The following SNX25 variants were observed in gnomAD, a reference collection of about 807,000 sequenced individuals.
The protein encoded by SNX25 is sorting nexin-25.
In SNX25, 62 loss-of-function variants were observed where a neutral mutation model predicts 113.7. That is an observed-to-expected ratio of 0.55 (90% CI 0.44 to 0.67). The LOEUF is 0.67. SNX25 is among the 30% of genes least tolerant of loss of function. The pLI is 0.00. For missense variants in SNX25, 1,014 were observed against 1,161.0 expected (o/e 0.87, Z 1.84); for synonymous variants, 421 against 436.2 (o/e 0.97, Z 0.43).
chr4:185,204,483 A>G (rs1419404547), intron 1 of SNX25: 1 of 152,260 alleles, frequency 6.6e-6, no homozygotes, highest in East Asian at 1.9e-4. Flanking sequence ...TAGTTAAAAC[A>G]ATCTAAGGTA....
intron 5 of SNX25, among the ~76,000 whole-genome samples, chr4:185,281,540 C>G (rs913131419): frequency 2.0e-5 from 3 of 152,134 alleles, no homozygotes; most frequent in Non-Finnish European, 4.4e-5. Context: ...AGCTCACATT[C>G]TTTACTACTC....
intron 1 of SNX25, among the ~76,000 whole-genome samples, chr4:185,220,733 G>T (rs936209654): frequency 6.6e-6 from 1 of 152,050 alleles, no homozygotes; most frequent in Non-Finnish European, 1.5e-5. Flanking sequence ...GCCCACCTCG[G>T]CCTCCCAAAG....
chr4:185,212,489 G>GTGTGTGTGTGTT (rs1560889937), intron 1 of SNX25, among the ~76,000 whole-genome samples: 1 of 43,358 alleles, frequency 2.3e-5, no homozygotes, highest in African/African-American at 8.4e-5. Context: ...GTGTGTGTGT[G>GTGTGTGTGTGTT]TGTTTTTTTT....
At chr4:185,371,928 C>G (rs2095417481), downstream of SNX25, among the ~76,000 whole-genome samples, 1 of 152,136 alleles carries the variant, frequency 6.6e-6, no homozygotes, top group Non-Finnish European at 1.5e-5. Flanking sequence ...TTGGGAAACA[C>G]CAGCACACGC....
At chr4:185,285,373 T>C (rs1455754067) in intron 5 of SNX25, among the ~76,000 whole-genome samples, 1 of 152,252 alleles carries the variant, frequency 6.6e-6, no homozygotes, top group Non-Finnish European at 1.5e-5. Context: ...AATGTTTGTT[T>C]AATGAAAGCA....
At chr4:185,256,625 T>TC (rs1746467726) in intron 2 of SNX25, among the ~76,000 whole-genome samples, 1 of 57,966 alleles carries the variant, frequency 1.7e-5, no homozygotes, top group Admixed American at 2.4e-4. Flanking sequence ...CCTAAATTTC[T>TC]TTTTTTTTTT....
intron 1 of SNX25, among the ~76,000 whole-genome samples, chr4:185,215,055 C>G (rs2111486669): frequency 6.6e-6 from 1 of 152,184 alleles, no homozygotes; most frequent in African/African-American, 2.4e-5. Flanking sequence ...ACAGTGAAAC[C>G]CCGTCTCTAC....
At chr4:185,369,742 TC>T in intron 11 of SNX25, 1 of 441,012 alleles carries the variant, frequency 2.3e-6, no homozygotes, top group Non-Finnish European at 4.5e-6. Context: ...GACATTGGAA[TC>T]CCACAGGGAA....
intron 6 of SNX25, among the ~76,000 whole-genome samples, chr4:185,297,964 T>C (rs906861038): frequency 2.6e-5 from 4 of 152,140 alleles, no homozygotes; most frequent in Non-Finnish European, 5.9e-5. Flanking sequence ...GTTGATTCCT[T>C]CTCCCTTGTA....
intron 5 of SNX25, among the ~76,000 whole-genome samples, chr4:185,280,544 G>A (rs1750419559): frequency 6.6e-6 from 1 of 152,148 alleles, no homozygotes. Context: ...ATGAACATAT[G>A]CTACTTTAGA....
Position 185,323,649 on chromosome 4 carries a change from T to C in SNX25, c.1598T>C (p.Ile533Thr), listed in dbSNP as rs987756318. The C allele has an allele frequency of 1.2e-6, 2 of 1,613,800 alleles. No homozygotes were observed. The highest frequency in any genetic ancestry group is 1.7e-4 in the Middle Eastern group (1 of 6,058). The change falls in exon 9 of 19, where the codon ATT becomes ACT. Residue 533 changes from isoleucine (I) to threonine (T), a missense_variant. Coordinates refer to ENST00000652585, the MANE Select transcript of SNX25 (RefSeq NM_001378034.2). ...CAGTGTCTTGTAGGAAATAAAGGTA[T>C]TGAAGTATTCTACAAAATCCAGGAA... is the stretch of plus-strand genomic sequence containing the variant. The part of the protein sequence containing the change: ...IQQCLVGNKG[I>T]EVFYKIQEDV...
At position 185,266,657 on chromosome 4, in the gene SNX25, C is replaced by T. The variant is rs139690337; in HGVS notation, c.905-312C>T. 6.7e-3 allele frequency among the ~76,000 whole-genome samples: 1,014 copies of T among 152,120 alleles called. 3 individuals are homozygous for T. Among genetic ancestry groups the T allele is most frequent in the Middle Eastern group, 0.02 (6 of 294 alleles). On this transcript the variant is annotated intron_variant, in intron 4 of 18. Coordinates refer to ENST00000652585, the MANE Select transcript of SNX25 (RefSeq NM_001378034.2). ...GATTACAGGTGTGAGCCACCACGCC[C>T]GGCCTTAATTTTGATAGATTTGTTA...
intron 9 of SNX25, among the ~76,000 whole-genome samples, chr4:185,329,921 C>G (rs756142650): frequency 6.6e-6 from 1 of 152,066 alleles, no homozygotes; most frequent in Non-Finnish European, 1.5e-5. Flanking sequence ...CAGAGACTCT[C>G]AGGATCTAGT....
the SNX25 span, chr4:185,378,228 T>A: frequency 6.9e-6 from 11 of 1,602,940 alleles, no homozygotes; most frequent in African/African-American, 1.4e-4. Flanking sequence ...GAAGAAAAAA[T>A]AAGTGGTAGA....
At chr4:185,353,224 A>T in intron 14 of SNX25, 1 of 294,792 alleles carries the variant, frequency 3.4e-6, no homozygotes, top group Non-Finnish European at 6.2e-6. Context: ...AAACTATTTT[A>T]TTGTCTATTA....
chr4:185,233,995 C>T (rs1742243426), intron 1 of SNX25, among the ~76,000 whole-genome samples: 1 of 152,092 alleles, frequency 6.6e-6, no homozygotes, highest in African/African-American at 2.4e-5. Flanking sequence ...GTAGCTGGGA[C>T]TACAGGCACC....
chr4:185,289,120 C>T (rs549495995), intron 6 of SNX25, among the ~76,000 whole-genome samples: 4 of 152,300 alleles, frequency 2.6e-5, no homozygotes, highest in Admixed American at 2.6e-4. Flanking sequence ...GGCACTGATT[C>T]CTCAGCTCAG....
chr4:185,307,838 T>A (rs1404760872), intron 6 of SNX25, among the ~76,000 whole-genome samples: 1 of 152,170 alleles, frequency 6.6e-6, no homozygotes, highest in African/African-American at 2.4e-5. Context: ...CACTGCAACC[T>A]CAAATTCCTG....
intron 6 of SNX25, among the ~76,000 whole-genome samples, chr4:185,298,903 T>C (rs566418500): frequency 3.3e-5 from 5 of 152,346 alleles, no homozygotes; most frequent in African/African-American, 1.2e-4. Flanking sequence ...GAGAATGTAC[T>C]CTGGAGGAAA....
Sources: gnomAD v4.1 joint callset for allele counts (sites outside exome capture counted in the v4.1 genomes callset) on GRCh38, gnomAD v4.1.1 for gene constraint, MANE v1.5 for transcripts, NCBI Gene and HGNC (gene_info 2026-07-23, HGNC 2026-07-21) for gene names.